PDGFRA: variants seen among roughly 807,000 people sequenced by gnomAD.
The protein encoded by PDGFRA is platelet derived growth factor receptor alpha, also known as platelet-derived growth factor receptor alpha.
PDGFRA carries 25 observed loss-of-function variants against 121.5 expected under a neutral mutation model. The ratio of observed to expected loss-of-function variants is 0.21; its 90% CI spans 0.15 to 0.29. PDGFRA has a LOEUF of 0.29. PDGFRA is among the 10% of genes least tolerant of loss of function. PDGFRA has a pLI of 1.00. For missense variants in PDGFRA, 1,008 were observed against 1,345.1 expected (o/e 0.75, Z 3.92); for synonymous variants, 463 against 494.8 (o/e 0.94, Z 0.85).
In PDGFRA at chr4:54,290,401, G is replaced by A. The variant is rs1724567367; in HGVS notation, c.2969G>A (p.Gly990Asp). ...MRVDSDNAYI[G>D]VTYKNEEDKL... ...GTGGACTCAGACAATGCATACATTG[G>A]TGTCACCTACAAAAACGAGGAAGAC... Residue 990 changes from glycine (G) to aspartate (D), a missense_variant, in exon 22 of 23, where the codon GGT becomes GAT. Gly to Asp is a moderately conservative substitution (Grantham distance 94). Coordinates refer to ENST00000257290, the MANE Select transcript of PDGFRA (RefSeq NM_006206.6). 6.2e-7 allele frequency: 1 copy of A among 1,613,700 alleles called. No individual in the cohort carries two copies. The highest frequency in any genetic ancestry group is 1.1e-5 in the South Asian group (1 of 91,084).
At chr4:54,287,347 C>T in intron 18 of PDGFRA, 83 bp from the exon 19 acceptor site, 1 of 777,286 alleles carries the variant, frequency 1.3e-6, no homozygotes, top group Non-Finnish European at 2.4e-6. Context: ...ATTAAGAGCC[C>T]AAGGGGAACC....
chr4:54,267,296 A>C lies in PDGFRA; in HGVS notation c.767A>C (p.Lys256Thr). 6.2e-7 allele frequency: 1 copy of C among 1,614,158 alleles called. No individual in the cohort carries two copies. Among genetic ancestry groups the C allele is most frequent in the Non-Finnish European group, 8.5e-7 (1 of 1,180,006 alleles). ...QWTYPGEVKGKGITMLEEIKV... is the reference protein window; with the variant it reads ...QWTYPGEVKGTGITMLEEIKV... ...CTTCCCCTTTTGCTGTAGAAAGGCAAAGGCATCACAATGCTGGAAGAAATC... is the reference window on the plus strand; with the variant it reads ...CTTCCCCTTTTGCTGTAGAAAGGCACAGGCATCACAATGCTGGAAGAAATC... Residue 256 changes from lysine to threonine, a missense_variant, in exon 6 of 23, where the codon AAA becomes ACA. By Grantham distance (78) the Lys-to-Thr change is moderately conservative. Transcript: ENST00000257290.
intron 12 of PDGFRA, among the ~76,000 whole-genome samples, chr4:54,276,393 C>T (rs1425494934): frequency 6.6e-6 from 1 of 152,072 alleles, no homozygotes; most frequent in Non-Finnish European, 1.5e-5. Flanking sequence ...TGAATTAAAC[C>T]CTTTTTCTAT....
intron 19 of PDGFRA, among the ~76,000 whole-genome samples, chr4:54,288,083 T>C (rs9993187): frequency 0.2 from 30,614 of 151,994 alleles, 3,683 homozygotes; most frequent in African/African-American, 0.32. Flanking sequence ...ATCTGGATGG[T>C]TCATCTGGGG....
chr4:54,280,167 C>T, intron 15 of PDGFRA, 149 bp from the exon 16 acceptor site: 1 of 642,750 alleles, frequency 1.6e-6, no homozygotes, highest in Non-Finnish European at 2.8e-6. Flanking sequence ...ACTAGATCAC[C>T]TCATGTGAAA....
At chr4:54,229,631 A>AT (rs1577659908) in intron 1 of PDGFRA, among the ~76,000 whole-genome samples, 3 of 151,726 alleles carry the variant, frequency 2.0e-5, no homozygotes, top group South Asian at 4.2e-4. Flanking sequence ...AAGTCTAGGT[A>AT]TTTTTTTTAA....
intron 16 of PDGFRA, chr4:54,281,776 C>A: frequency 7.5e-7 from 1 of 1,327,944 alleles, no homozygotes; most frequent in Non-Finnish European, 9.8e-7. Flanking sequence ...TTGCCTTCTT[C>A]CTCGAAAACC....
chr4:54,250,395 A>C (rs1315916746), intron 1 of PDGFRA, among the ~76,000 whole-genome samples: 1 of 152,214 alleles, frequency 6.6e-6, no homozygotes, highest in Non-Finnish European at 1.5e-5. Context: ...TAAAGTCCAA[A>C]AGTGACATAT....
rs904415979 is a variant in PDGFRA at position 54,274,549 on chromosome 4, C to T, written c.1577C>T (p.Thr526Met). The T allele has an allele frequency of 6.2e-6, 10 of 1,613,450 alleles. No individual in the cohort carries two copies. Among genetic ancestry groups the T allele is most frequent in the Admixed American group, 3.3e-5 (2 of 60,016 alleles). The change falls in exon 11 of 23, where the codon ACG becomes ATG. Residue 526 changes from threonine to methionine, a missense_variant. Physicochemically the swap from Thr to Met is moderately conservative, Grantham distance 81. Transcript: ENST00000257290. ...CACGTAGCCCTGCGTTCTGAACTCA[C>T]GGTGGCTGCTGCAGTCCTGGTGCTG... is the stretch of plus-strand genomic sequence containing the variant. ...LVAPTLRSEL[T>M]VAAAVLVLLV...
intron 7 of PDGFRA, among the ~76,000 whole-genome samples, chr4:54,269,644 CTTTT>C (rs569943950): frequency 7.9e-6 from 1 of 126,436 alleles, no homozygotes. Context: ...TTTTTTCTAA[CTTTT>C]TTTTTTTTTT....
chr4:54,283,986 C>T (rs538846014), intron 16 of PDGFRA, among the ~76,000 whole-genome samples: 29 of 152,308 alleles, frequency 1.9e-4, no homozygotes, highest in African/African-American at 6.5e-4. Context: ...AGCAGCCAGG[C>T]CATATCGTGA....
In PDGFRA at chr4:54,261,321, G is replaced by C. The variant is rs140725151; in HGVS notation, c.276G>C (p.Ala92=). Residue 92 remains alanine, a synonymous_variant, in exon 3 of 23, where the codon GCG becomes GCC. Transcript: ENST00000257290. ...VTVLEVSSAS[A]AHTGLYTCYY... is the part of the protein sequence containing the mutation. Reference sequence around the variant, plus strand: ...TCTTGGAAGTGAGCAGTGCCTCGGCGGCCCACACAGGGTTGTACACTTGCT... The same window carrying C: ...TCTTGGAAGTGAGCAGTGCCTCGGCCGCCCACACAGGGTTGTACACTTGCT... 2.5e-6 allele frequency: 4 copies of C among 1,613,984 alleles called. No homozygotes were observed. The highest frequency in any genetic ancestry group is 3.4e-6 in the Non-Finnish European group (4 of 1,179,986).
chr4:54,279,432 C>G (rs1360714837), intron 15 of PDGFRA, among the ~76,000 whole-genome samples: 11 of 152,180 alleles, frequency 7.2e-5, no homozygotes, highest in African/African-American at 2.7e-4. Context: ...GCTTCCTTGA[C>G]CCCCAGATCA....
intron 14 of PDGFRA, 42 bp from the exon 15 acceptor site, chr4:54,278,320 T>C (rs2110314277): frequency 1.3e-6 from 2 of 1,565,854 alleles, no homozygotes; most frequent in Non-Finnish European, 1.8e-6. Context: ...TTTTCTGTTC[T>C]TCATTTTCAT....
chr4:54,283,082 G>A (rs1724153708), intron 16 of PDGFRA, among the ~76,000 whole-genome samples: 1 of 152,170 alleles, frequency 6.6e-6, no homozygotes, highest in Non-Finnish European at 1.5e-5. Context: ...GTTTTTCCTG[G>A]TGCAGAGTGC....
chr4:54,269,313 A>G (rs552759199), intron 7 of PDGFRA, among the ~76,000 whole-genome samples: 5 of 152,176 alleles, frequency 3.3e-5, no homozygotes, highest in Non-Finnish European at 4.4e-5. Context: ...AACTCTCACA[A>G]TGACTCTGTG....
At position 54,257,692 on chromosome 4, in the gene PDGFRA, G is replaced by A. The variant is rs115020550; in HGVS notation, c.-12-1065G>A. On this transcript the variant is annotated intron_variant, in intron 1 of 22. Transcript: ENST00000257290. ...GTTCCTTCTCACTGACTTCACCAGTGACCACTATCAGTGACTTCAAGGGAG... is the reference window on the plus strand; with the variant it reads ...GTTCCTTCTCACTGACTTCACCAGTAACCACTATCAGTGACTTCAAGGGAG... 4.0e-3 allele frequency among the ~76,000 whole-genome samples: 602 copies of A among 152,248 alleles called. 2 individuals are homozygous for A. Among genetic ancestry groups the A allele is most frequent in the African/African-American group, 0.013 (550 of 41,540 alleles).
At position 54,272,533 on chromosome 4, in the gene PDGFRA, G is replaced by A. The variant is rs372352002; in HGVS notation, c.1364+13G>A. 126 of 1,612,938 alleles carry A rather than the reference G, an allele frequency of 7.8e-5. No individual in the cohort carries two copies. The African/African-American group carries it at 8.3e-4, about 11-fold the overall frequency. Reference sequence around the variant, plus strand: ...AAGATATTAAGAAGTATGGAAAACAGATGTGTCTTCTTCTTTCGTGGTCAG... The same window carrying A: ...AAGATATTAAGAAGTATGGAAAACAAATGTGTCTTCTTCTTTCGTGGTCAG... On this transcript the variant is annotated intron_variant, in intron 9 of 22. Transcript: ENST00000257290.
chr4:54,272,264 A>T, intron 8 of PDGFRA, 130 bp from the exon 9 acceptor site: 1 of 893,944 alleles, frequency 1.1e-6, no homozygotes, highest in Non-Finnish European at 1.8e-6. Context: ...TTACTTGTAC[A>T]ACTGGTTTCA....
Sources: allele counts gnomAD v4.1 joint callset (sites outside exome capture counted in the v4.1 genomes callset), GRCh38; gene constraint gnomAD v4.1.1; transcripts MANE v1.5; gene names NCBI Gene and HGNC (gene_info 2026-07-23, HGNC 2026-07-21).